KL: variants seen among roughly 807,000 people sequenced by gnomAD.
KL encodes the protein klotho, also known as alpha-klotho.
A neutral mutation model predicts 84.2 loss-of-function variants in KL; 62 were observed. The ratio of observed to expected loss-of-function variants is 0.74; its 90% CI spans 0.60 to 0.91. KL has a LOEUF of 0.91. KL is among the 40% of genes least tolerant of loss of function. The probability of loss-of-function intolerance (pLI) is 0.00; values close to 1 mark genes in which losing one functional copy is unlikely to be tolerated. For missense variants in KL, 1,261 were observed against 1,305.7 expected (o/e 0.97, Z 0.53); for synonymous variants, 528 against 528.0 (o/e 1.00, Z 0.00).
At chr13:33,062,637 C>T (rs1227119838) in intron 4 of KL, among the ~76,000 whole-genome samples, 2 of 129,186 alleles carry the variant, frequency 1.5e-5, no homozygotes, top group East Asian at 4.9e-4. Context: ...TGCACCATTG[C>T]ACTCCAGCCT....
intron 4 of KL, 76 bp from the exon 5 acceptor site, chr13:33,063,773 T>G: frequency 8.1e-7 from 1 of 1,239,540 alleles, no homozygotes; most frequent in South Asian, 1.2e-5. Context: ...CAAGACTCCG[T>G]CTCAAAAAAA....
chr13:33,037,311 A>G (rs1871173396), intron 1 of KL, among the ~76,000 whole-genome samples: 1 of 152,074 alleles, frequency 6.6e-6, no homozygotes, highest in Non-Finnish European at 1.5e-5. Flanking sequence ...TATGCCATCT[A>G]CAAAACCGTC....
At chr13:33,038,254 A>G (rs1182803216) in intron 1 of KL, among the ~76,000 whole-genome samples, 1 of 152,220 alleles carries the variant, frequency 6.6e-6, no homozygotes, top group Non-Finnish European at 1.5e-5. Context: ...AAAAGCCACA[A>G]ACTATTAATC....
At chr13:33,036,705 A>G (rs1180484693) in intron 1 of KL, among the ~76,000 whole-genome samples, 1 of 152,164 alleles carries the variant, frequency 6.6e-6, no homozygotes, top group Non-Finnish European at 1.5e-5. Context: ...TCATGACAGC[A>G]GGTGTTTTAC....
At chr13:33,026,342 G>A (rs1313054275) in intron 1 of KL, among the ~76,000 whole-genome samples, 1 of 152,066 alleles carries the variant, frequency 6.6e-6, no homozygotes, top group Non-Finnish European at 1.5e-5. Context: ...CTATTTCACA[G>A]CAATAGGTAA....
rs760609417 is a variant in KL at position 33,017,109 on chromosome 13, C to T, written c.669C>T (p.Cys223=). ...ADHFRDYAEL[C]FRHFGGQVKY... is the part of the protein sequence containing the mutation. ...ACTTCAGGGATTACGCGGAGCTCTGCTTCCGCCACTTCGGCGGTCAGGTCA... is the reference window on the plus strand; with the variant it reads ...ACTTCAGGGATTACGCGGAGCTCTGTTTCCGCCACTTCGGCGGTCAGGTCA... The change falls in exon 1 of 5, where the codon TGC becomes TGT. Residue 223 remains cysteine, a synonymous_variant. Coordinates refer to ENST00000380099, the MANE Select transcript of KL (RefSeq NM_004795.4). 1 of 1,604,956 alleles carries T rather than the reference C, an allele frequency of 6.2e-7. No homozygotes were observed.
At chr13:33,017,391 G>C in intron 1 of KL, 132 bp downstream of exon 1, 1 of 869,014 alleles carries the variant, frequency 1.2e-6, no homozygotes, top group Non-Finnish European at 1.7e-6. Flanking sequence ...GGTCACCGGG[G>C]GAAACTGAGC....
At position 33,065,537 on chromosome 13, in the gene KL, G is replaced by A; in HGVS notation, c.*1351G>A. ...AGGCATTGCCAACCTCACTGACACA[G>A]GGTCATAGTGTATAATAATATACTG... On this transcript the variant is annotated 3_prime_UTR_variant, in exon 5 of 5. Coordinates refer to ENST00000380099, the MANE Select transcript of KL (RefSeq NM_004795.4). The A allele has an allele frequency of 5.4e-6, 1 of 186,280 alleles. No individual in the cohort carries two copies. The highest frequency in any genetic ancestry group is 1.1e-5 in the Non-Finnish European group (1 of 87,876). 11.5% of individuals were successfully genotyped at this position (186,280 alleles called of 1,614,324 possible).
chr13:33,021,463 C>T (rs1870571752), intron 1 of KL, among the ~76,000 whole-genome samples: 2 of 152,270 alleles, frequency 1.3e-5, no homozygotes, highest in Admixed American at 1.3e-4. Flanking sequence ...TTGGAAGGGG[C>T]TTTGTTAGCT....
intron 1 of KL, among the ~76,000 whole-genome samples, chr13:33,048,658 C>T (rs1163967532): frequency 6.6e-6 from 1 of 152,174 alleles, no homozygotes; most frequent in East Asian, 1.9e-4. Context: ...TTCAGCTCAG[C>T]AATACTGCTG....
At chr13:33,048,561 G>T (rs1235991447) in intron 1 of KL, among the ~76,000 whole-genome samples, 3 of 152,206 alleles carry the variant, frequency 2.0e-5, no homozygotes, top group African/African-American at 7.2e-5. Flanking sequence ...GAAATCTCAT[G>T]CAGACTTCTA....
intron 1 of KL, among the ~76,000 whole-genome samples, chr13:33,034,893 C>T (rs1194141492): frequency 2.6e-5 from 4 of 152,138 alleles, no homozygotes; most frequent in African/African-American, 9.7e-5. Context: ...TGAATATACA[C>T]CATTGAAACA....
chr13:33,059,167 G>A (rs546298805), intron 3 of KL, among the ~76,000 whole-genome samples: 1 of 152,280 alleles, frequency 6.6e-6, no homozygotes, highest in East Asian at 1.9e-4. Context: ...TTATTTCAGA[G>A]GGGAACACAG....
At chr13:33,044,640 C>CTT (rs71071071) in intron 1 of KL, among the ~76,000 whole-genome samples, 3,779 of 52,602 alleles carry the variant, frequency 0.072, 1,143 homozygotes, top group Non-Finnish European at 0.096. Flanking sequence ...AATTGATTTT[C>CTT]TTTTTTTTTT....
At position 33,060,887 on chromosome 13, in the gene KL, TC is replaced by T; in HGVS notation, c.1811del (p.Pro604LeufsTer8). The T allele has an allele frequency of 6.2e-7, 1 of 1,614,220 alleles. No individual in the cohort carries two copies. Among genetic ancestry groups the T allele is most frequent in the Non-Finnish European group, 8.5e-7 (1 of 1,180,032 alleles). On this transcript the variant is annotated frameshift_variant, in exon 4 of 5. Transcript: ENST00000380099. LOFTEE classifies it high-confidence loss of function. ...FRFSLDWALI[L>X]PLGNQSQVNH... ...TTCTCCCTGGACTGGGCCCTGATTC[TC>T]CCTCTGGGTAACCAGTCCCAGGTGA...
chr13:33,017,384 C>T (rs774002221), intron 1 of KL, 125 bp downstream of exon 1: 36 of 915,876 alleles, frequency 3.9e-5, no homozygotes, highest in Non-Finnish European at 3.4e-5. Context: ...TGTATGTGGT[C>T]ACCGGGGGAA....
chr13:33,032,725 A>T (rs531930501), intron 1 of KL, among the ~76,000 whole-genome samples: 2 of 152,262 alleles, frequency 1.3e-5, no homozygotes, highest in African/African-American at 4.8e-5. Flanking sequence ...ATCGTAAAAG[A>T]TCATGGGGCA....
intron 3 of KL, among the ~76,000 whole-genome samples, chr13:33,055,544 T>A (rs1392656948): frequency 1.3e-5 from 2 of 152,250 alleles, no homozygotes; most frequent in African/African-American, 4.8e-5. Flanking sequence ...ATTTAAAGCA[T>A]ATCAATATTT....
rs1183249650 is a variant in KL, at chr13:33,054,255, G to A, written c.1308G>A (p.Lys436=). ...CCAAATATATGTATTACCTCAAAAA[G>A]TTCATCATGGAAACCTTAAAAGGTA... is the stretch of plus-strand genomic sequence containing the variant. The part of the protein sequence containing the change: ...DDAKYMYYLK[K]FIMETLKAIK... The change falls in exon 2 of 5, where the codon AAG becomes AAA. Residue 436 remains lysine (K), a synonymous_variant. Transcript: ENST00000380099. 2 of 1,613,294 alleles carry A rather than the reference G, an allele frequency of 1.2e-6. No homozygotes were observed. Among genetic ancestry groups the A allele is most frequent in the South Asian group, 1.1e-5 (1 of 91,050 alleles).
Sources: allele counts gnomAD v4.1 joint callset (sites outside exome capture counted in the v4.1 genomes callset), GRCh38; gene constraint gnomAD v4.1.1; transcripts MANE v1.5; gene names NCBI Gene and HGNC (gene_info 2026-07-23, HGNC 2026-07-21).